The following TBC1D22A variants were observed in gnomAD, a reference collection of about 807,000 sequenced individuals.
TBC1D22A encodes the protein putative GTPase activator.
Under a neutral mutation model 60.2 loss-of-function variants are expected in TBC1D22A, and 38 were observed. That is an observed-to-expected ratio of 0.63 (90% CI 0.49 to 0.83). TBC1D22A has a LOEUF of 0.83. Among genes scored for constraint, TBC1D22A ranks in the 40% least tolerant of loss-of-function variants. The pLI is 0.00. For synonymous variants in TBC1D22A, 302 were observed against 281.7 expected, an observed-to-expected ratio of 1.07 and a Z score of -0.72; for missense variants, 628 against 701.0, an observed-to-expected ratio of 0.90 and a Z score of 1.18.
At chr22:46,858,463 C>CA (rs975390725) in intron 4 of TBC1D22A, among the ~76,000 whole-genome samples, 3 of 151,864 alleles carry the variant, frequency 2.0e-5, no homozygotes, top group Non-Finnish European at 4.4e-5. Context: ...TGGCAAACAC[C>CA]CCCCCCAGCT....
chr22:47,131,177 G>A (rs980738217), intron 12 of TBC1D22A, among the ~76,000 whole-genome samples: 11 of 152,188 alleles, frequency 7.2e-5, no homozygotes, highest in Non-Finnish European at 1.6e-4. Context: ...CTCCCACCAG[G>A]CCCCACTGCC....
intron 4 of TBC1D22A, among the ~76,000 whole-genome samples, chr22:46,859,037 GC>G (rs1170363434): frequency 4.0e-4 from 51 of 126,592 alleles, no homozygotes; most frequent in African/African-American, 1.1e-3. Flanking sequence ...TCCGCGCAGT[GC>G]TGTGCCCCTT....
chr22:47,098,741 C>G (rs1000711034), intron 11 of TBC1D22A, among the ~76,000 whole-genome samples: 6 of 152,234 alleles, frequency 3.9e-5, no homozygotes, highest in Non-Finnish European at 7.3e-5. Context: ...GGAGGTTCCT[C>G]CCTGTTGCCC....
At chr22:46,831,123 T>C (rs2086290816) in intron 4 of TBC1D22A, among the ~76,000 whole-genome samples, 1 of 152,034 alleles carries the variant, frequency 6.6e-6, no homozygotes, top group Non-Finnish European at 1.5e-5. Flanking sequence ...ACCATGAGAA[T>C]GGAGGTGTTG....
chr22:46,950,961 T>C (rs2072867784), intron 8 of TBC1D22A, among the ~76,000 whole-genome samples: 1 of 152,242 alleles, frequency 6.6e-6, no homozygotes, highest in Non-Finnish European at 1.5e-5. Context: ...GTTCGGGATA[T>C]GTGTTTGTCC....
intron 4 of TBC1D22A, among the ~76,000 whole-genome samples, chr22:46,843,360 G>A (rs1264574154): frequency 1.3e-5 from 2 of 152,088 alleles, no homozygotes; most frequent in Admixed American, 6.5e-5. Context: ...AAACAGCCAC[G>A]GGTATACAGT....
chr22:46,899,972 C>A (rs375372190), intron 7 of TBC1D22A, among the ~76,000 whole-genome samples: 1 of 152,006 alleles, frequency 6.6e-6, no homozygotes, highest in Non-Finnish European at 1.5e-5. Context: ...CTGCATCTAT[C>A]GAAACATTTG....
At chr22:46,940,100 C>A (rs1436316389) in intron 8 of TBC1D22A, among the ~76,000 whole-genome samples, 1 of 152,180 alleles carries the variant, frequency 6.6e-6, no homozygotes, top group Non-Finnish European at 1.5e-5. Context: ...ATGTTTTGTA[C>A]TATACTGTCA....
At position 46,973,537 on chromosome 22, in the gene TBC1D22A, G is replaced by A. The variant is rs1191988908; in HGVS notation, c.1016-753G>A. ...TTTTCTTAAAGAACGTTTTCCTTGC[G>A]AAGATGCCATGCAAATAAAACTAAA... On this transcript the variant is annotated intron_variant, in intron 8 of 12. Coordinates refer to ENST00000337137, the MANE Select transcript of TBC1D22A (RefSeq NM_014346.5). Among the ~76,000 whole-genome samples the A allele has an allele frequency of 2.6e-5, 4 of 152,254 alleles. No homozygotes were observed. The East Asian group carries it at 7.7e-4, about 29-fold the overall frequency.
At chr22:47,007,852 A>G (rs2061639673) in intron 10 of TBC1D22A, among the ~76,000 whole-genome samples, 1 of 152,166 alleles carries the variant, frequency 6.6e-6, no homozygotes, top group Admixed American at 6.5e-5. Flanking sequence ...ATACAGCCAC[A>G]CTGTGTGTTA....
chr22:47,052,766 A>G (rs926309257), intron 11 of TBC1D22A, among the ~76,000 whole-genome samples: 1 of 152,172 alleles, frequency 6.6e-6, no homozygotes, highest in African/African-American at 2.4e-5. Flanking sequence ...ACGGCCTCCC[A>G]CAGTACCCCC....
At position 46,990,404 on chromosome 22, in the gene TBC1D22A, C is replaced by T. The variant is rs1335516167; in HGVS notation, c.1126-7230C>T. ...ATTGAGCAGGAGGTTAGAGAGGCCC[C>T]ATGTGCTCCTCAGCGTCCTCCTTCA... On this transcript the variant is annotated intron_variant, in intron 9 of 12. Coordinates refer to ENST00000337137, the MANE Select transcript of TBC1D22A (RefSeq NM_014346.5). This position sits in a 1 kb window ranked among gnomAD's most constrained non-coding sequence, Gnocchi z 4.6. Among the ~76,000 whole-genome samples the T allele has an allele frequency of 6.6e-6, 1 of 152,130 alleles. No homozygotes were observed. The highest frequency in any genetic ancestry group is 2.4e-5 in the African/African-American group (1 of 41,408).
intron 10 of TBC1D22A, among the ~76,000 whole-genome samples, chr22:47,023,914 A>C (rs2062169640): frequency 6.6e-6 from 1 of 152,272 alleles, no homozygotes; most frequent in Non-Finnish European, 1.5e-5. Context: ...AGGAGTGCCC[A>C]AAGTGGCAAG....
At chr22:46,901,640 C>A (rs2069002076) in intron 7 of TBC1D22A, among the ~76,000 whole-genome samples, 1 of 152,120 alleles carries the variant, frequency 6.6e-6, no homozygotes, top group Non-Finnish European at 1.5e-5. Flanking sequence ...TATATGGTTG[C>A]CTTTTAACCC....
chr22:46,904,142 T>TCTATCTATCTATCTATCTATCTATCTGC (rs57116517), intron 7 of TBC1D22A, among the ~76,000 whole-genome samples: 1 of 134,500 alleles, frequency 7.4e-6, no homozygotes, highest in African/African-American at 3.0e-5. Flanking sequence ...TATCTATCTA[T>TCTATCTATCTATCTATCTATCTATCTGC]CTACCTACCT....
intron 7 of TBC1D22A, among the ~76,000 whole-genome samples, chr22:46,897,635 G>GTTTTGTTT (rs2068747526): frequency 2.1e-4 from 26 of 125,542 alleles, no homozygotes; most frequent in African/African-American, 7.8e-4. Flanking sequence ...GTTTTGTTTC[G>GTTTTGTTT]TTTTGTTTTT....
chr22:46,981,929 C>T (rs2074528054), intron 9 of TBC1D22A, among the ~76,000 whole-genome samples: 1 of 152,176 alleles, frequency 6.6e-6, no homozygotes, highest in African/African-American at 2.4e-5. Context: ...CCAGTGTGCA[C>T]AGAAGATCTG....
rs375018106 is a variant in TBC1D22A at position 46,792,529 on chromosome 22, C to T, written c.72C>T (p.His24=). ...TTTTCTTTTCCATCAGCATCCAGCA[C>T]GTGTATGGTGCCCAGCACCCCCCCT... The part of the protein sequence containing the change: ...SNSKLPGSIQ[H]VYGAQHPPFD... The change falls in exon 2 of 13, where the codon CAC becomes CAT. Residue 24 remains histidine, a synonymous_variant. Coordinates refer to ENST00000337137, the MANE Select transcript of TBC1D22A (RefSeq NM_014346.5). 13 of 1,614,114 alleles carry T rather than the reference C, an allele frequency of 8.1e-6. No individual in the cohort carries two copies. The highest frequency in any genetic ancestry group is 2.7e-5 in the African/African-American group (2 of 74,944).
chr22:46,879,995 G>T (rs935414505), intron 5 of TBC1D22A, among the ~76,000 whole-genome samples: 1 of 152,256 alleles, frequency 6.6e-6, no homozygotes, highest in Non-Finnish European at 1.5e-5. Context: ...GTGGACAGGA[G>T]GGCAGGTGGG....
Sources: allele counts gnomAD v4.1 joint callset (sites outside exome capture counted in the v4.1 genomes callset), GRCh38; gene constraint gnomAD v4.1.1; non-coding constraint Gnocchi (gnomAD v3.1); transcripts MANE v1.5; gene names NCBI Gene and HGNC (gene_info 2026-07-23, HGNC 2026-07-21).